The following BCAS3 variants were observed in gnomAD, a reference collection of about 807,000 sequenced individuals.
BCAS3 encodes BCAS4/BCAS3 fusion.
Under a neutral mutation model 116.1 loss-of-function variants are expected in BCAS3, and 53 were observed. The ratio of observed to expected loss-of-function variants is 0.46; its 90% CI spans 0.37 to 0.57. The LOEUF is 0.57. BCAS3 is among the 20% of genes least tolerant of loss of function. BCAS3 has a pLI of 0.00. For missense variants in BCAS3, 917 were observed against 1,165.4 expected, an observed-to-expected ratio of 0.79 and a Z score of 3.10; for synonymous variants, 391 against 408.2, an observed-to-expected ratio of 0.96 and a Z score of 0.51.
At chr17:60,831,922 A>T (rs2050975634) in intron 7 of BCAS3, among the ~76,000 whole-genome samples, 1 of 152,096 alleles carries the variant, frequency 6.6e-6, no homozygotes, top group South Asian at 2.1e-4. Flanking sequence ...TTCAGAAGAA[A>T]ACATTCTGAA....
intron 7 of BCAS3, among the ~76,000 whole-genome samples, chr17:60,866,791 A>T (rs925586410): frequency 6.6e-6 from 1 of 151,924 alleles, no homozygotes; most frequent in Non-Finnish European, 1.5e-5. Flanking sequence ...TTCCTTCTTT[A>T]TTACTTTTTT....
intron 5 of BCAS3, among the ~76,000 whole-genome samples, chr17:60,718,389 C>T (rs1486772193): frequency 6.6e-6 from 1 of 152,160 alleles, no homozygotes; most frequent in Non-Finnish European, 1.5e-5. Flanking sequence ...ATGCTTTCCC[C>T]TAACTACTTT....
At chr17:61,291,161 T>C (rs1456677418) in intron 22 of BCAS3, among the ~76,000 whole-genome samples, 3 of 152,242 alleles carry the variant, frequency 2.0e-5, no homozygotes, top group Non-Finnish European at 4.4e-5. Flanking sequence ...AGCAAACATT[T>C]GATGAACAAC....
Position 61,309,472 on chromosome 17 carries a change from G to A in BCAS3, c.2426-58855G>A, listed in dbSNP as rs2054125015. Among the ~76,000 whole-genome samples, 1 of 152,168 alleles carries A rather than the reference G, an allele frequency of 6.6e-6. No homozygotes were observed. The highest frequency in any genetic ancestry group is 1.5e-5 in the Non-Finnish European group (1 of 68,032). On this transcript the variant is annotated intron_variant, in intron 22 of 23. Transcript: ENST00000407086. The surrounding 1 kb of genome is among the most constrained non-coding windows in gnomAD (Gnocchi z 4.6). ...ACAGGGGCATAACTGTGGACCTAAA[G>A]TGGACATCAGAGGGGTCCCGGCAAT...
rs897741385 is a variant in BCAS3 at position 61,220,850 on chromosome 17, C to T, written c.2425+136286C>T. Among the ~76,000 whole-genome samples the T allele has an allele frequency of 1.3e-5, 2 of 152,148 alleles. No homozygotes were observed. The highest frequency in any genetic ancestry group is 2.9e-5 in the Non-Finnish European group (2 of 68,020). ...GCGCGGTGGCTCACGCCTGTAATCC[C>T]AGCACTTTGGGAGGCCGAGGTGGGT... On this transcript the variant is annotated intron_variant, in intron 22 of 23. Transcript: ENST00000407086. The surrounding 1 kb of genome is among the most constrained non-coding windows in gnomAD (Gnocchi z 4.5).
chr17:61,052,238 ATTC>A (rs946865655), intron 19 of BCAS3, among the ~76,000 whole-genome samples: 24 of 151,800 alleles, frequency 1.6e-4, no homozygotes. Context: ...AGATTTTCTT[ATTC>A]TTATTTTCCT....
intron 5 of BCAS3, among the ~76,000 whole-genome samples, chr17:60,728,956 G>A (rs1187669949): frequency 6.6e-6 from 1 of 152,122 alleles, no homozygotes; most frequent in Admixed American, 6.5e-5. Context: ...AGAAAATGTA[G>A]AACATTTTTG....
At chr17:60,690,207 A>G (rs2034624987) in intron 4 of BCAS3, among the ~76,000 whole-genome samples, 1 of 152,184 alleles carries the variant, frequency 6.6e-6, no homozygotes, top group Non-Finnish European at 1.5e-5. Flanking sequence ...TAACTGGCTT[A>G]TTTCACTTAG....
At chr17:61,297,305 G>A (rs1214827265) in intron 22 of BCAS3, among the ~76,000 whole-genome samples, 2 of 152,116 alleles carry the variant, frequency 1.3e-5, no homozygotes, top group African/African-American at 4.8e-5. Context: ...GAGGAGAGAA[G>A]GTGTGTTCAC....
At chr17:61,304,169 G>A (rs991174336) in intron 22 of BCAS3, among the ~76,000 whole-genome samples, 1 of 152,114 alleles carries the variant, frequency 6.6e-6, no homozygotes, top group Non-Finnish European at 1.5e-5. Flanking sequence ...CCACCCCCAA[G>A]TTCATTGCCT....
In BCAS3 at chr17:60,982,508, A is replaced by G. The variant is rs1437527542; in HGVS notation, c.1222-7463A>G. Among the ~76,000 whole-genome samples, 4 of 152,226 alleles carry G rather than the reference A, an allele frequency of 2.6e-5. No individual in the cohort carries two copies. In the South Asian group the frequency reaches 8.3e-4, roughly 32 times the overall value. On this transcript the variant is annotated intron_variant, in intron 14 of 23. Coordinates refer to ENST00000407086, the MANE Select transcript of BCAS3 (RefSeq NM_017679.5). ...CTTTAAAGTACCTTAAAAATAAAGT[A>G]TCTTAATTTCATTGGTCTCATGTTC...
At position 61,276,729 on chromosome 17, in the gene BCAS3, T is replaced by G. The variant is rs1208187984; in HGVS notation, c.2426-91598T>G. On this transcript the variant is annotated intron_variant, in intron 22 of 23. Transcript: ENST00000407086. This position sits in a 1 kb window ranked among gnomAD's most constrained non-coding sequence, Gnocchi z 4.2. ...CTGATCCTAAAATTTACATATAAAT[T>G]CAAGGGTGCAGAAAAGCCGAAATAA... Among the ~76,000 whole-genome samples the G allele has an allele frequency of 3.3e-5, 5 of 152,092 alleles. No individual in the cohort carries two copies. Among genetic ancestry groups the G allele is most frequent in the Non-Finnish European group, 7.4e-5 (5 of 68,012 alleles).
intron 22 of BCAS3, among the ~76,000 whole-genome samples, chr17:61,272,149 A>G (rs991529120): frequency 2.0e-5 from 3 of 152,226 alleles, no homozygotes; most frequent in Admixed American, 2.0e-4. Flanking sequence ...TACGTTTTAA[A>G]GAAAAGACTG....
chr17:60,831,193 T>C (rs1347322490), intron 7 of BCAS3, among the ~76,000 whole-genome samples: 1 of 151,770 alleles, frequency 6.6e-6, no homozygotes, highest in Non-Finnish European at 1.5e-5. Context: ...TGTCTTTTTT[T>C]TGAGACCCAG....
rs2080615313 is a variant in BCAS3 at position 61,198,290 on chromosome 17, G to A, written c.2425+113726G>A. On this transcript the variant is annotated intron_variant, in intron 22 of 23. Transcript: ENST00000407086. The surrounding 1 kb of genome is among the most constrained non-coding windows in gnomAD (Gnocchi z 5.0). ...CAAGTAGCTGGGACTACAGGCGCCAGCCACCACACCCAGCTAATTTTTTGC... is the reference window on the plus strand; with the variant it reads ...CAAGTAGCTGGGACTACAGGCGCCAACCACCACACCCAGCTAATTTTTTGC... Among the ~76,000 whole-genome samples, 1 of 151,980 alleles carries A rather than the reference G, an allele frequency of 6.6e-6. No homozygotes were observed.
chr17:61,064,311 TAA>T (rs532113674), intron 19 of BCAS3, among the ~76,000 whole-genome samples: 1 of 146,356 alleles, frequency 6.8e-6, no homozygotes. Context: ...ACCTATCTCT[TAA>T]AAAAAAAAAA....
At chr17:60,898,825 T>G (rs2145046116) in intron 10 of BCAS3, among the ~76,000 whole-genome samples, 2 of 141,324 alleles carry the variant, frequency 1.4e-5, no homozygotes, top group South Asian at 4.6e-4. Context: ...TGGCGTGTGT[T>G]GATGTTGGTG....
Position 61,387,764 on chromosome 17 carries a change from T to C in BCAS3, c.2594-4213T>C, listed in dbSNP as rs2059930560. Among the ~76,000 whole-genome samples the C allele has an allele frequency of 6.6e-6, 1 of 152,172 alleles. No individual in the cohort carries two copies. The highest frequency in any genetic ancestry group is 2.1e-4 in the South Asian group (1 of 4,826). On this transcript the variant is annotated intron_variant, in intron 23 of 23. Coordinates refer to ENST00000407086, the MANE Select transcript of BCAS3 (RefSeq NM_017679.5). The surrounding 1 kb of genome is among the most constrained non-coding windows in gnomAD (Gnocchi z 6.2). The stretch of plus-strand genomic sequence containing the variant: ...GGCCCGCACCAGCACCCGTTCTTTC[T>C]TGGGGGATGGGGGTGGGAGGTGAAG...
chr17:60,835,489 C>A (rs1024620779), intron 7 of BCAS3, among the ~76,000 whole-genome samples: 1 of 152,014 alleles, frequency 6.6e-6, no homozygotes, highest in Non-Finnish European at 1.5e-5. Context: ...GTATCAGCAA[C>A]TTAAATATTA....
Sources: allele counts gnomAD v4.1 joint callset (sites outside exome capture counted in the v4.1 genomes callset), GRCh38; gene constraint gnomAD v4.1.1; non-coding constraint Gnocchi (gnomAD v3.1); transcripts MANE v1.5; gene names NCBI Gene and HGNC (gene_info 2026-07-23, HGNC 2026-07-21).